The following NRXN1 variants were observed in gnomAD, a reference collection of about 807,000 sequenced individuals.
NRXN1 encodes the protein neurexin-1.
NRXN1 carries 39 observed loss-of-function variants against 150.9 expected under a neutral mutation model. The observed-to-expected ratio is 0.26, with a 90% confidence interval of 0.20 to 0.34. The LOEUF is 0.34. Ranked by LOEUF, NRXN1 falls within the 10% of genes least tolerant of loss-of-function variation. The pLI is 1.00. For synonymous variants in NRXN1, 924 were observed against 757.0 expected (o/e 1.22, Z -3.62); for missense variants, 1,815 against 1,949.9 (o/e 0.93, Z 1.30).
intron 17 of NRXN1, among the ~76,000 whole-genome samples, chr2:50,278,242 A>ATATATAT (rs1553368219): frequency 8.5e-6 from 1 of 118,298 alleles, no homozygotes; most frequent in African/African-American, 3.4e-5. Context: ...TATATATATA[A>ATATATAT]TATATATATA....
At chr2:50,646,101 G>A (rs1472540921) in intron 5 of NRXN1, among the ~76,000 whole-genome samples, 2 of 151,954 alleles carry the variant, frequency 1.3e-5, no homozygotes, top group East Asian at 3.9e-4. Context: ...GATATATAGA[G>A]AGGCTGAGTC....
intron 21 of NRXN1, among the ~76,000 whole-genome samples, chr2:50,007,609 A>G (rs1256696351): frequency 6.6e-6 from 1 of 151,900 alleles, no homozygotes; most frequent in Admixed American, 6.6e-5. Flanking sequence ...TATGTGCCAC[A>G]TTTTCTTTAT....
chr2:50,152,250 T>C (rs2058739821), intron 18 of NRXN1, among the ~76,000 whole-genome samples: 1 of 151,836 alleles, frequency 6.6e-6, no homozygotes, highest in Admixed American at 6.6e-5. Context: ...TCTGTTTCTA[T>C]AATTTTCACT....
chr2:50,068,412 T>C (rs946302888), intron 19 of NRXN1, among the ~76,000 whole-genome samples: 9 of 152,142 alleles, frequency 5.9e-5, no homozygotes, highest in African/African-American at 1.4e-4. Flanking sequence ...TAATACAAGT[T>C]AATTTTCTCT....
At chr2:50,495,465 A>T (rs1465047923) in intron 15 of NRXN1, among the ~76,000 whole-genome samples, 2 of 150,430 alleles carry the variant, frequency 1.3e-5, no homozygotes, top group Non-Finnish European at 2.9e-5. Flanking sequence ...AGGGTTTCTA[A>T]GCCAGGCTCA....
At chr2:50,859,865 T>C (rs547848371) in intron 5 of NRXN1, among the ~76,000 whole-genome samples, 76 of 144,714 alleles carry the variant, frequency 5.3e-4, no homozygotes, top group Admixed American at 1.9e-3. Context: ...TGTGTGTGTG[T>C]GCAAAATACC....
At chr2:50,506,195 C>T (rs1010994424) in intron 13 of NRXN1, among the ~76,000 whole-genome samples, 1 of 151,982 alleles carries the variant, frequency 6.6e-6, no homozygotes, top group Non-Finnish European at 1.5e-5. Flanking sequence ...GGCATCTAAA[C>T]ATGACTGCAA....
At chr2:50,364,504 A>G (rs975699529) in intron 17 of NRXN1, among the ~76,000 whole-genome samples, 1 of 152,158 alleles carries the variant, frequency 6.6e-6, no homozygotes, top group African/African-American at 2.4e-5. Flanking sequence ...TCACATCTTC[A>G]TTGCTACATT....
rs75254512 is a variant in NRXN1, at chr2:50,780,879, A to G, written c.832+140990T>C. 0.014 allele frequency among the ~76,000 whole-genome samples: 2,168 copies of G among 152,154 alleles called. 137 individuals are homozygous for G. In the East Asian group the frequency reaches 0.2, roughly 14 times the overall value. On this transcript the variant is annotated intron_variant, in intron 5 of 22. Coordinates refer to ENST00000401669, the MANE Select transcript of NRXN1 (RefSeq NM_001330078.2). ...TCCTCTGGGTATCTTTCTCTTAATT[A>G]ATTGTAACCTCCTATGCATACTACA...
chr2:50,926,335 T>C (rs995054304), intron 2 of NRXN1, among the ~76,000 whole-genome samples: 10 of 151,942 alleles, frequency 6.6e-5, no homozygotes, highest in African/African-American at 2.2e-4. Flanking sequence ...TATTTCCACA[T>C]ACTGATTTGG....
intron 17 of NRXN1, among the ~76,000 whole-genome samples, chr2:50,397,547 G>A (rs977055085): frequency 2.6e-5 from 4 of 152,068 alleles, no homozygotes; most frequent in Admixed American, 6.6e-5. Context: ...AGGTGAGGGC[G>A]TGAAGCTTAT....
At chr2:50,487,219 C>G (rs1321793462) in intron 15 of NRXN1, among the ~76,000 whole-genome samples, 1 of 152,012 alleles carries the variant, frequency 6.6e-6, no homozygotes, top group Non-Finnish European at 1.5e-5. Context: ...AGTGATATAC[C>G]CTGCCTAAGG....
chr2:50,701,099 G>A (rs1693679134), intron 5 of NRXN1, among the ~76,000 whole-genome samples: 1 of 152,088 alleles, frequency 6.6e-6, no homozygotes, highest in South Asian at 2.1e-4. Flanking sequence ...ATTAAAGTAG[G>A]CCTTTCCTTC....
At chr2:50,864,872 C>T (rs528728832) in intron 5 of NRXN1, among the ~76,000 whole-genome samples, 1 of 151,976 alleles carries the variant, frequency 6.6e-6, no homozygotes, top group South Asian at 2.1e-4. Context: ...AATTGCTGTG[C>T]TACATCTCCA....
intron 2 of NRXN1, among the ~76,000 whole-genome samples, chr2:51,001,239 G>GTGC (rs1558565220): frequency 2.5e-5 from 3 of 122,436 alleles, no homozygotes; most frequent in African/African-American, 9.0e-5. Context: ...GGGGTTGGGG[G>GTGC]GGGGGGGCGT....
chr2:50,524,111 G>T (rs1407113561), intron 12 of NRXN1, among the ~76,000 whole-genome samples: 1 of 152,152 alleles, frequency 6.6e-6, no homozygotes, highest in South Asian at 2.1e-4. Flanking sequence ...AAGGCATAAA[G>T]AAAGCCACAT....
intron 18 of NRXN1, among the ~76,000 whole-genome samples, chr2:50,205,325 T>C (rs10187296): frequency 5.3e-5 from 8 of 152,022 alleles, no homozygotes; most frequent in Non-Finnish European, 1.2e-4. Flanking sequence ...TGATGGAATG[T>C]GTAAAGTGGA....
chr2:50,986,143 C>T (rs925005024), intron 2 of NRXN1, among the ~76,000 whole-genome samples: 8 of 151,610 alleles, frequency 5.3e-5, no homozygotes, highest in African/African-American at 1.9e-4. Context: ...GAAATTAAAA[C>T]AGCAACATAA....
intron 21 of NRXN1, among the ~76,000 whole-genome samples, chr2:50,036,580 TA>T (rs1193952972): frequency 1.3e-5 from 2 of 152,202 alleles, no homozygotes; most frequent in Non-Finnish European, 2.9e-5. Flanking sequence ...TATCATTTAC[TA>T]GGCTAGAGCA....
Sources: allele counts gnomAD v4.1 joint callset (sites outside exome capture counted in the v4.1 genomes callset), GRCh38; gene constraint gnomAD v4.1.1; transcripts MANE v1.5; gene names NCBI Gene and HGNC (gene_info 2026-07-23, HGNC 2026-07-21).